UBTF: variants seen among roughly 807,000 people sequenced by gnomAD.
The protein encoded by UBTF is nucleolar transcription factor 1.
UBTF carries 8 observed loss-of-function variants against 112.3 expected under a neutral mutation model. The ratio of observed to expected loss-of-function variants is 0.07; its 90% confidence interval spans 0.04 to 0.13. The LOEUF (loss-of-function observed/expected upper bound fraction) is 0.13. Among genes scored for constraint, UBTF ranks in the 10% least tolerant of loss-of-function variants. The pLI, the probability that UBTF is intolerant of heterozygous loss-of-function variation, is 1.00. For synonymous variants in UBTF, 417 were observed against 373.1 expected, an observed-to-expected ratio of 1.12 and a Z score of -1.36; for missense variants, 457 against 982.1, an observed-to-expected ratio of 0.47 and a Z score of 7.15.
chr17:44,210,897 C>G lies in UBTF; in HGVS notation c.1254G>C (p.Ser418=), dbSNP rs754276076. Residue 418 remains serine (S), a synonymous_variant, in exon 13 of 21, where the codon TCG becomes TCC. Transcript: ENST00000436088. ...KRPVSAMFIF[S]EEKRRQLQEE... The stretch of plus-strand genomic sequence containing the variant: ...CCTGCAGCTGCCGCCGTTTCTCCTC[C>G]GAGAAGATGAACATGGCCGACACGG... 3 of 1,603,014 alleles carry G rather than the reference C, an allele frequency of 1.9e-6. No homozygotes were observed. Among genetic ancestry groups the G allele is most frequent in the Non-Finnish European group, 2.6e-6 (3 of 1,175,454 alleles).
intron 18 of UBTF, 34 bp downstream of exon 18, chr17:44,207,830 C>G: frequency 1.2e-6 from 2 of 1,614,156 alleles, no homozygotes; most frequent in Non-Finnish European, 1.7e-6. Flanking sequence ...ATTCCCCCAC[C>G]CCTACCCCAC....
At chr17:44,218,609 A>AAAAAAAAAAAAAAG (rs2046977785) in intron 1 of UBTF, 1 of 202,564 alleles carries the variant, frequency 4.9e-6, no homozygotes, top group Non-Finnish European at 9.7e-6. Flanking sequence ...AAAAAAAAAA[A>AAAAAAAAAAAAAAG]GAAAAAATCT....
In UBTF at chr17:44,218,594, CAAA is replaced by C. The variant is rs71160095; in HGVS notation, c.-67-301_-67-299del. ...CTCCGCCCCGCTTCCCAACCCCAGC[CAAA>C]AAAAAAAAAAAAGAAAAAATCTCCT... On this transcript the variant is annotated intron_variant, in intron 1 of 20. Coordinates refer to ENST00000436088, the MANE Select transcript of UBTF (RefSeq NM_014233.4). 208 of 83,894 alleles carry C rather than the reference CAAA, an allele frequency of 2.5e-3. 1 individual carries two copies. Among genetic ancestry groups the C allele is most frequent in the Middle Eastern group, 9.8e-3 (2 of 204 alleles). The allele number at this position is 83,894 out of a possible 1,614,324, so 5.2% of individuals were successfully genotyped here.
chr17:44,211,117 C>T lies in UBTF; in HGVS notation c.1125G>A (p.Gly375=). 1 of 1,613,250 alleles carries T rather than the reference C, an allele frequency of 6.2e-7. No individual in the cohort carries two copies. The highest frequency in any genetic ancestry group is 1.3e-5 in the African/African-American group (1 of 75,068). ...LPEEEQQRVL[G]EEKMLNINKK... The stretch of plus-strand genomic sequence containing the variant: ...TGTTGATGTTCAGCATCTTCTCTTC[C>T]CCCAAGACCCGCTGCTGCTCCTCCT... The change falls in exon 12 of 21, where the codon GGG becomes GGA. Residue 375 remains glycine (G), a synonymous_variant. Transcript: ENST00000436088. The surrounding 1 kb of genome is among the most constrained non-coding windows in gnomAD (Gnocchi z 4.9).
At chr17:44,210,753 G>GC in intron 13 of UBTF, 39 bp downstream of exon 13, 2 of 1,549,648 alleles carry the variant, frequency 1.3e-6, no homozygotes, top group Non-Finnish European at 1.7e-6. Context: ...GGCCCTGGCA[G>GC]CCCCCCTGGG....
In UBTF at chr17:44,216,701, C is replaced by T. The variant is rs752128430; in HGVS notation, c.62G>A (p.Arg21His). The T allele has an allele frequency of 4.0e-5, 64 of 1,613,934 alleles. No homozygotes were observed. The highest frequency in any genetic ancestry group is 5.0e-5 in the Non-Finnish European group (59 of 1,179,942). Residue 21 changes from arginine to histidine, a missense_variant, in exon 3 of 21, where the codon CGT (arginine) becomes CAT (histidine). Arg to His is a conservative substitution (Grantham distance 29). This residue lies in a region of UBTF where 20 missense variants were observed against 29.1 expected (regional missense o/e 0.69). Transcript: ENST00000436088. ...LEMAAPKGQD[R>H]WSQEDMLTLL... ...AGTCAGCATGTCTTCCTGGGACCAA[C>T]GGTCTGGTAAAGAGTAACAGAGGCC...
rs549441409 is a variant in UBTF, at chr17:44,212,289, G to A, written c.771+55C>T. On this transcript the variant is annotated intron_variant, in intron 8 of 20. Coordinates refer to ENST00000436088, the MANE Select transcript of UBTF (RefSeq NM_014233.4). The stretch of plus-strand genomic sequence containing the variant: ...CGCAGAGTGCGGTGGCCACGGAGTC[G>A]GAGGGCAGAGGCTCGTGAAGAGCCG... 7.5e-5 allele frequency: 111 copies of A among 1,489,334 alleles called. 1 individual carries two copies. In the Admixed American group the frequency reaches 9.7e-4, roughly 13 times the overall value. The allele number at this position is 1,489,334 out of a possible 1,614,324, so 92.3% of individuals were successfully genotyped here.
chr17:44,213,487 G>C (rs561639353), intron 5 of UBTF: 1 of 546,616 alleles, frequency 1.8e-6, no homozygotes, highest in African/African-American at 1.9e-5. Context: ...GGAGCTGCAG[G>C]GGTCGCCCAG....
At chr17:44,209,882 C>A in intron 15 of UBTF, 149 bp from the exon 16 acceptor site, 1 of 889,260 alleles carries the variant, frequency 1.1e-6, no homozygotes. Flanking sequence ...TTCCTAACAG[C>A]TCACGTCTGA....
chr17:44,209,324 T>C, intron 17 of UBTF, 28 bp downstream of exon 17: 1 of 1,564,238 alleles, frequency 6.4e-7, no homozygotes, highest in Non-Finnish European at 8.7e-7. Flanking sequence ...GCCTCTCTGT[T>C]CCTTCCAAGG....
upstream of UBTF, among the ~76,000 whole-genome samples, chr17:44,220,588 A>C (rs1409381480): frequency 6.6e-6 from 1 of 151,638 alleles, no homozygotes; most frequent in Non-Finnish European, 1.5e-5. Flanking sequence ...CGGCAAGGGA[A>C]CGACGGGCTC....
At chr17:44,218,925 A>G (rs2047009238) in intron 1 of UBTF, 1 of 150,706 alleles carries the variant, frequency 6.6e-6, no homozygotes, top group Non-Finnish European at 1.5e-5. Context: ...GCAGCCGGAG[A>G]GAAGCGGCCT....
At position 44,219,536 on chromosome 17, in the gene UBTF, C is replaced by T. The variant is rs1464224166; in HGVS notation, c.-159G>A. ...CCTCCCCCGCTCGGCCGGGCACAGC[C>T]GCAGCTCCCTCCCGCGGCGGCAGCG... On this transcript the variant is annotated 5_prime_UTR_variant, in exon 1 of 21. Transcript: ENST00000436088. 3 of 154,346 alleles carry T rather than the reference C, an allele frequency of 1.9e-5. No homozygotes were observed. The highest frequency in any genetic ancestry group is 4.3e-5 in the Non-Finnish European group (3 of 69,732). 9.6% of individuals were successfully genotyped at this position (154,346 alleles called of 1,614,324 possible). A position where few individuals can be genotyped will look rare whatever the true frequency, so the allele number is the denominator to read the frequency against.
Position 44,211,209 on chromosome 17 carries a change from C to T in UBTF, c.1090-57G>A. ...GCCTGGCACCCAGACTGCATGGTGC[C>T]CTATCTCCAGGGGCTCACCAGGGCT... On this transcript the variant is annotated intron_variant, in intron 11 of 20. Coordinates refer to ENST00000436088, the MANE Select transcript of UBTF (RefSeq NM_014233.4). This position sits in a 1 kb window ranked among gnomAD's most constrained non-coding sequence, Gnocchi z 4.9. 6.2e-7 allele frequency: 1 copy of T among 1,613,586 alleles called. No homozygotes were observed. Among genetic ancestry groups the T allele is most frequent in the African/African-American group, 1.3e-5 (1 of 75,056 alleles).
intron 13 of UBTF, 37 bp from the exon 14 acceptor site, chr17:44,210,510 C>A (rs1343484110): frequency 6.5e-7 from 1 of 1,530,032 alleles, no homozygotes; most frequent in Admixed American, 2.3e-5. Context: ...TTCCACCCAC[C>A]CCCAGGGGGC....
chr17:44,221,237 G>T (rs558947727), upstream of UBTF: 1 of 152,192 alleles, frequency 6.6e-6, no homozygotes, highest in Admixed American at 6.5e-5. Context: ...GTGGGGGCGC[G>T]CGGGGCTGGA....
intron 2 of UBTF, among the ~76,000 whole-genome samples, chr17:44,217,965 G>A (rs888459203): frequency 1.3e-5 from 2 of 152,306 alleles, no homozygotes; most frequent in East Asian, 1.9e-4. Context: ...GACAGGGAGA[G>A]AGGGGAGGTG....
chr17:44,210,351 C>G lies in UBTF; in HGVS notation c.1482G>C (p.Gln494His). Reference sequence around the variant, plus strand: ...GGGCCAGGTAGTCGCCGATAACGCTCTGTTGCCAGATCTCCTCAGCTCTTT... The same window carrying G: ...GGGCCAGGTAGTCGCCGATAACGCTGTGTTGCCAGATCTCCTCAGCTCTTT... ...SPKRAEEIWQ[Q>H]SVIGDYLARF... Residue 494 changes from glutamine to histidine, a missense_variant, in exon 14 of 21, where the codon CAG becomes CAC. Gln to His is a conservative substitution (Grantham distance 24, BLOSUM62 0). Coordinates refer to ENST00000436088, the MANE Select transcript of UBTF (RefSeq NM_014233.4). The G allele has an allele frequency of 6.2e-7, 1 of 1,614,260 alleles. No homozygotes were observed.
Position 44,210,447 on chromosome 17 carries a change from C to G in UBTF, c.1386G>C (p.Ala462=), listed in dbSNP as rs148052296. ...GCTTCCTCTCCGACTGAGCCTTGAG[C>G]GCCGCCTCTCGGGCCTTGTACTTGG... ...KKAKYKAREA[A]LKAQSERKPG... Residue 462 remains alanine (A), a synonymous_variant, in exon 14 of 21, where the codon GCG becomes GCC. Coordinates refer to ENST00000436088, the MANE Select transcript of UBTF (RefSeq NM_014233.4). The G allele has an allele frequency of 6.8e-5, 109 of 1,612,212 alleles. No homozygotes were observed. Among genetic ancestry groups the G allele is most frequent in the Middle Eastern group, 1.7e-4 (1 of 6,044 alleles).
Sources: allele counts gnomAD v4.1 joint callset (sites outside exome capture counted in the v4.1 genomes callset), GRCh38; gene constraint gnomAD v4.1.1; regional missense constraint gnomAD v4.1.1; non-coding constraint Gnocchi (gnomAD v3.1); transcripts MANE v1.5; gene names NCBI Gene and HGNC (gene_info 2026-07-23, HGNC 2026-07-21).